The following CHN2 variants were observed in gnomAD, a reference collection of about 807,000 sequenced individuals.
CHN2 encodes beta-chimaerin.
A neutral mutation model predicts 56.3 loss-of-function variants in CHN2; 35 were observed. The observed-to-expected ratio is 0.62, with a 90% CI of 0.47 to 0.82. CHN2 has a LOEUF of 0.82. Ranked by LOEUF, CHN2 falls within the 40% of genes least tolerant of loss-of-function variation. The probability of loss-of-function intolerance (pLI) is 0.00; values close to 1 mark genes in which losing one functional copy is unlikely to be tolerated. For synonymous variants in CHN2, 210 were observed against 212.8 expected (o/e 0.99, Z 0.12); for missense variants, 491 against 580.5 (o/e 0.85, Z 1.58).
intron 6 of CHN2, among the ~76,000 whole-genome samples, chr7:29,405,994 T>G (rs1165254477): frequency 2.6e-5 from 4 of 152,198 alleles, no homozygotes; most frequent in African/African-American, 7.2e-5. Context: ...CATACAAGGT[T>G]GAGCCTGTCC....
At chr7:29,492,571 C>G (rs1239152826) in intron 7 of CHN2, among the ~76,000 whole-genome samples, 1 of 152,182 alleles carries the variant, frequency 6.6e-6, no homozygotes, top group Non-Finnish European at 1.5e-5. Flanking sequence ...CCTATTGTAT[C>G]AAGTTCATCA....
intron 7 of CHN2, chr7:29,483,900 C>T (rs2128549391): frequency 7.7e-7 from 1 of 1,302,422 alleles, no homozygotes; most frequent in South Asian, 1.2e-5. Context: ...TGCCTCAGTT[C>T]CCTCATCTAT....
intron 6 of CHN2, among the ~76,000 whole-genome samples, chr7:29,474,285 C>T (rs1786404169): frequency 6.6e-6 from 1 of 152,118 alleles, no homozygotes; most frequent in Non-Finnish European, 1.5e-5. Context: ...TTAACTTTTC[C>T]CCTATATTGA....
chr7:29,507,655 C>A (rs1198771440), intron 11 of CHN2, among the ~76,000 whole-genome samples: 2 of 152,052 alleles, frequency 1.3e-5, no homozygotes, highest in Non-Finnish European at 2.9e-5. Flanking sequence ...ATGAATATTT[C>A]TGTAGCAGAA....
chr7:29,503,767 T>C (rs1009852965), intron 9 of CHN2, among the ~76,000 whole-genome samples: 2 of 152,246 alleles, frequency 1.3e-5, no homozygotes, highest in Admixed American at 1.3e-4. Flanking sequence ...ATGTGAGTTA[T>C]CAAGAGTTTG....
At chr7:29,444,867 A>G in intron 6 of CHN2, among the ~76,000 whole-genome samples, 1 of 152,194 alleles carries the variant, frequency 6.6e-6, no homozygotes, top group Admixed American at 6.5e-5. Flanking sequence ...TCTGCCTCAT[A>G]CATTTTGGGG....
intron 7 of CHN2, chr7:29,483,791 G>T (rs1585564975): frequency 8.7e-7 from 1 of 1,148,660 alleles, no homozygotes. Context: ...CAGTCGGCTT[G>T]CTCGGCTTCC....
intron 1 of CHN2, among the ~76,000 whole-genome samples, chr7:29,298,258 C>T (rs1039852036): frequency 1.3e-5 from 2 of 152,188 alleles, no homozygotes; most frequent in Non-Finnish European, 2.9e-5. Flanking sequence ...CAGGAATTAG[C>T]CATGCTCACT....
chr7:29,235,164 A>G (rs1787093420), intron 1 of CHN2, among the ~76,000 whole-genome samples: 1 of 152,154 alleles, frequency 6.6e-6, no homozygotes, highest in African/African-American at 2.4e-5. Flanking sequence ...TCCAGAATCT[A>G]TGGAACTTAA....
chr7:29,314,510 TAAG>T (rs1224957229), intron 1 of CHN2, among the ~76,000 whole-genome samples: 1 of 152,176 alleles, frequency 6.6e-6, no homozygotes, highest in Non-Finnish European at 1.5e-5. Context: ...ACTTCAAAGT[TAAG>T]ATGATAAATT....
intron 1 of CHN2, among the ~76,000 whole-genome samples, chr7:29,224,494 C>T (rs1786045351): frequency 1.3e-5 from 2 of 152,132 alleles, no homozygotes; most frequent in African/African-American, 4.8e-5. Context: ...GGAAAGATTA[C>T]AGGAGAGAAA....
At chr7:29,279,457 AT>A (rs1306430891) in intron 1 of CHN2, among the ~76,000 whole-genome samples, 2 of 152,384 alleles carry the variant, frequency 1.3e-5, no homozygotes, top group Admixed American at 1.3e-4. Context: ...TTCAACAAAC[AT>A]TTATGGAGAC....
chr7:29,197,986 A>T (rs1235737093), intron 1 of CHN2: 1 of 456,164 alleles, frequency 2.2e-6, no homozygotes, highest in Non-Finnish European at 4.4e-6. Flanking sequence ...GGAGATGGGT[A>T]AGTTCATGGC....
chr7:29,208,831 A>T (rs1784715280), intron 1 of CHN2: 2 of 152,228 alleles, frequency 1.3e-5, no homozygotes, highest in Admixed American at 1.3e-4. Context: ...TAGACACTGC[A>T]GTATCTGGCT....
intron 3 of CHN2, among the ~76,000 whole-genome samples, chr7:29,369,955 T>C (rs766406200): frequency 1.3e-5 from 2 of 152,202 alleles, no homozygotes; most frequent in Non-Finnish European, 2.9e-5. Flanking sequence ...TAGAATTCCA[T>C]ATCCCATTTC....
intron 1 of CHN2, among the ~76,000 whole-genome samples, chr7:29,199,154 T>C (rs1783961033): frequency 6.6e-6 from 1 of 152,244 alleles, no homozygotes; most frequent in African/African-American, 2.4e-5. Context: ...GATGTTGATG[T>C]AGAAATGATA....
rs1207073154 is a variant in CHN2, at chr7:29,273,339, ATG to A, written c.49+78353_49+78354del. The stretch of plus-strand genomic sequence containing the variant: ...TATTCCATCATGCATATATATATAT[ATG>A]TGTATATATATATATATATATATAT... On this transcript the variant is annotated intron_variant, in intron 1 of 12. Coordinates refer to ENST00000222792, the MANE Select transcript of CHN2 (RefSeq NM_004067.4). Among the ~76,000 whole-genome samples, 67 of 82,244 alleles carry A rather than the reference ATG, an allele frequency of 8.1e-4. 1 individual carries two copies. The highest frequency in any genetic ancestry group is 3.4e-3 in the African/African-American group (57 of 16,930). 54.0% of individuals were successfully genotyped at this position (82,244 alleles called of 152,430 possible).
At chr7:29,436,422 G>A (rs780620988) in intron 6 of CHN2, among the ~76,000 whole-genome samples, 2 of 152,002 alleles carry the variant, frequency 1.3e-5, no homozygotes, top group Admixed American at 6.6e-5. Flanking sequence ...TGAATATTAC[G>A]CTTGAATATT....
intron 1 of CHN2, among the ~76,000 whole-genome samples, chr7:29,219,805 C>T (rs564594619): frequency 2.6e-5 from 4 of 152,042 alleles, no homozygotes; most frequent in South Asian, 2.1e-4. Flanking sequence ...GGCTGGGCGC[C>T]GTGGCTCATG....
Sources: allele counts gnomAD v4.1 joint callset (sites outside exome capture counted in the v4.1 genomes callset), GRCh38; gene constraint gnomAD v4.1.1; transcripts MANE v1.5; gene names NCBI Gene and HGNC (gene_info 2026-07-23, HGNC 2026-07-21).